CYYR1: variants seen among roughly 807,000 people sequenced by gnomAD.
CYYR1 encodes the protein cysteine and tyrosine-rich protein 1.
CYYR1 carries 14 observed loss-of-function variants against 15.2 expected under a neutral mutation model. The ratio of observed to expected loss-of-function variants is 0.92; its 90% CI spans 0.61 to 1.44. The LOEUF is 1.44. Ranked by LOEUF, CYYR1 falls within the 40% of genes most tolerant of loss-of-function variation. The probability of loss-of-function intolerance (pLI) is 0.00; values close to 1 mark genes in which losing one functional copy is unlikely to be tolerated. For synonymous variants in CYYR1, 80 were observed against 77.4 expected (o/e 1.03, Z -0.18); for missense variants, 228 against 209.5 (o/e 1.09, Z -0.54).
At chr21:26,510,306 T>C (rs1045227743) in intron 2 of CYYR1, among the ~76,000 whole-genome samples, 1 of 152,216 alleles carries the variant, frequency 6.6e-6, no homozygotes, top group South Asian at 2.1e-4. Flanking sequence ...AGTTATCTCA[T>C]TGTTAGAGCC....
At chr21:26,502,566 A>G (rs528315567) in intron 2 of CYYR1, among the ~76,000 whole-genome samples, 1 of 152,310 alleles carries the variant, frequency 6.6e-6, no homozygotes, top group African/African-American at 2.4e-5. Context: ...TCCAGCAAGT[A>G]AATAAAAAAT....
At chr21:26,568,552 G>A (rs1698383647) in intron 1 of CYYR1, 1 of 152,094 alleles carries the variant, frequency 6.6e-6, no homozygotes, top group African/African-American at 2.4e-5. Context: ...ATCAGCCTTG[G>A]GAAGGAATTT....
At chr21:26,564,362 A>C (rs950571656) in intron 2 of CYYR1, among the ~76,000 whole-genome samples, 3 of 152,270 alleles carry the variant, frequency 2.0e-5, no homozygotes, top group Non-Finnish European at 2.9e-5. Flanking sequence ...AGAGGTTTCT[A>C]TTTTGAACAG....
chr21:26,532,613 G>T, intron 2 of CYYR1, among the ~76,000 whole-genome samples: 1 of 152,168 alleles, frequency 6.6e-6, no homozygotes. Context: ...TGTTCCTGCT[G>T]TTGTTTAGCA....
At chr21:26,570,128 C>T (rs1220940228) in intron 1 of CYYR1, among the ~76,000 whole-genome samples, 2 of 152,150 alleles carry the variant, frequency 1.3e-5, no homozygotes, top group South Asian at 2.1e-4. Context: ...TCAGTGTTTG[C>T]GCCATACAGG....
chr21:26,468,559 G>A lies in CYYR1; in HGVS notation c.410C>T (p.Pro137Leu). Residue 137 changes from proline (P) to leucine (L), a missense_variant, in exon 4 of 4, where the codon CCA (proline) becomes CTA (leucine). By Grantham distance (98) the Pro-to-Leu change is moderately conservative. Transcript: ENST00000652641. The stretch of plus-strand genomic sequence containing the variant: ...TGGAGAACGCTGTGCTGGACCCTGT[G>A]GGGTGGGGGAGTATGGAGGAGGCAA... ...ADLPPPYSPT[P>L]QGPAQRSPPP... is the part of the protein sequence containing the mutation. 1.2e-6 allele frequency: 2 copies of A among 1,613,522 alleles called. No individual in the cohort carries two copies. The highest frequency in any genetic ancestry group is 2.2e-5 in the East Asian group (1 of 44,848).
chr21:26,535,970 A>C (rs1422888757), intron 2 of CYYR1, among the ~76,000 whole-genome samples: 1 of 152,204 alleles, frequency 6.6e-6, no homozygotes, highest in African/African-American at 2.4e-5. Flanking sequence ...GGTAGTTTAT[A>C]AAGAAAAGAA....
chr21:26,543,164 G>A (rs1318806064), intron 2 of CYYR1, among the ~76,000 whole-genome samples: 1 of 152,082 alleles, frequency 6.6e-6, no homozygotes, highest in Non-Finnish European at 1.5e-5. Context: ...GGAGGGGAAC[G>A]GCACACACTG....
chr21:26,515,941 C>T (rs2065722574), intron 2 of CYYR1, among the ~76,000 whole-genome samples: 1 of 152,122 alleles, frequency 6.6e-6, no homozygotes, highest in African/African-American at 2.4e-5. Context: ...TCTTTCCAGT[C>T]AATGCAATTC....
rs927399786 is a variant in CYYR1 at position 26,468,132 on chromosome 21, A to G, written c.*369T>C. On this transcript the variant is annotated 3_prime_UTR_variant, in exon 4 of 4. Transcript: ENST00000652641. ...AAAGTTGCTTCCTTGTGTGGGCCAAATCATTCTCCCATCCTACTTAGATCT... is the reference window on the plus strand; with the variant it reads ...AAAGTTGCTTCCTTGTGTGGGCCAAGTCATTCTCCCATCCTACTTAGATCT... The G allele has an allele frequency of 3.4e-6, 1 of 294,612 alleles. No homozygotes were observed. The highest frequency in any genetic ancestry group is 6.6e-6 in the Non-Finnish European group (1 of 151,728). 18.2% of individuals were successfully genotyped at this position (294,612 alleles called of 1,614,324 possible).
intron 2 of CYYR1, among the ~76,000 whole-genome samples, chr21:26,565,051 T>C (rs532019827): frequency 9.8e-4 from 150 of 152,304 alleles, no homozygotes; most frequent in African/African-American, 3.2e-3. Context: ...AAACATTTTA[T>C]TGGAGCTTAT....
intron 3 of CYYR1, among the ~76,000 whole-genome samples, chr21:26,475,408 A>G (rs1601724804): frequency 6.6e-6 from 1 of 152,136 alleles, no homozygotes. Flanking sequence ...CGTGCTGTAC[A>G]TAATGAATTG....
At chr21:26,562,783 CACAG>C (rs1196199513) in intron 2 of CYYR1, among the ~76,000 whole-genome samples, 1 of 94,062 alleles carries the variant, frequency 1.1e-5, no homozygotes, top group East Asian at 5.4e-4. Flanking sequence ...AACACACACA[CACAG>C]AGACATACAC....
chr21:26,515,341 ATC>A (rs1432501332), intron 2 of CYYR1, among the ~76,000 whole-genome samples: 2 of 151,698 alleles, frequency 1.3e-5, no homozygotes, highest in African/African-American at 2.4e-5. Context: ...ATCCACCCTG[ATC>A]TCTTTTTCTT....
At chr21:26,570,513 A>T (rs1569182958) in intron 1 of CYYR1, among the ~76,000 whole-genome samples, 3 of 152,214 alleles carry the variant, frequency 2.0e-5, no homozygotes, top group African/African-American at 7.2e-5. Flanking sequence ...CTGCAGTGGG[A>T]GTCAGACAAT....
At chr21:26,529,145 G>A (rs755070692) in intron 2 of CYYR1, among the ~76,000 whole-genome samples, 4 of 152,196 alleles carry the variant, frequency 2.6e-5, no homozygotes, top group Non-Finnish European at 5.9e-5. Context: ...TAATGAAAGT[G>A]AGGGTCAGAG....
At chr21:26,470,252 G>A (rs1189647826) in intron 3 of CYYR1, among the ~76,000 whole-genome samples, 7 of 152,028 alleles carry the variant, frequency 4.6e-5, no homozygotes, top group African/African-American at 1.2e-4. Flanking sequence ...TTTTGCAAAC[G>A]AACCTTAATT....
At chr21:26,500,657 G>A (rs2065468850) in intron 2 of CYYR1, among the ~76,000 whole-genome samples, 1 of 152,084 alleles carries the variant, frequency 6.6e-6, no homozygotes, top group Non-Finnish European at 1.5e-5. Flanking sequence ...TCACACTGGT[G>A]GGCCTGCACT....
intron 2 of CYYR1, among the ~76,000 whole-genome samples, chr21:26,557,348 A>G (rs1469229306): frequency 6.6e-6 from 1 of 152,176 alleles, no homozygotes; most frequent in Non-Finnish European, 1.5e-5. Flanking sequence ...TTTGGAAACA[A>G]TCCAAGTCAA....
Sources: allele counts gnomAD v4.1 joint callset (sites outside exome capture counted in the v4.1 genomes callset), GRCh38; gene constraint gnomAD v4.1.1; transcripts MANE v1.5; gene names NCBI Gene and HGNC (gene_info 2026-07-23, HGNC 2026-07-21).